MACROD2: variants seen among roughly 807,000 people sequenced by gnomAD.
MACROD2 encodes ADP-ribose glycohydrolase MACROD2.
A neutral mutation model predicts 70.4 loss-of-function variants in MACROD2; 36 were observed. The observed-to-expected ratio is 0.51, with a 90% CI of 0.39 to 0.68. The LOEUF (loss-of-function observed/expected upper bound fraction) is 0.68. Ranked by LOEUF, MACROD2 falls within the 30% of genes least tolerant of loss-of-function variation. The pLI, the probability that MACROD2 is intolerant of heterozygous loss-of-function variation, is 0.00. For missense variants in MACROD2, 496 were observed against 538.4 expected (o/e 0.92, Z 0.78); for synonymous variants, 172 against 178.8 (o/e 0.96, Z 0.30).
chr20:15,351,161 G>A (rs976256624), intron 6 of MACROD2, among the ~76,000 whole-genome samples: 5 of 152,094 alleles, frequency 3.3e-5, no homozygotes, highest in African/African-American at 9.7e-5. Context: ...TAATAAGTTA[G>A]GGTTAAGCAA....
intron 5 of MACROD2, among the ~76,000 whole-genome samples, chr20:14,795,149 C>T (rs1354901279): frequency 6.6e-6 from 1 of 151,982 alleles, no homozygotes; most frequent in Non-Finnish European, 1.5e-5. Flanking sequence ...CCGTGAAGGA[C>T]CTTGTAGGGC....
At chr20:15,324,640 A>G (rs1017739944) in intron 6 of MACROD2, among the ~76,000 whole-genome samples, 1 of 152,190 alleles carries the variant, frequency 6.6e-6, no homozygotes, top group Non-Finnish European at 1.5e-5. Flanking sequence ...GTGTCATCAC[A>G]TTAGCTGACC....
intron 3 of MACROD2, among the ~76,000 whole-genome samples, chr20:14,141,668 C>T (rs1357508678): frequency 1.4e-5 from 2 of 139,776 alleles, no homozygotes; most frequent in African/African-American, 5.3e-5. Context: ...TTGCTTGAAC[C>T]TGGGAGGCGG....
intron 3 of MACROD2, among the ~76,000 whole-genome samples, chr20:14,273,738 A>T (rs1218812684): frequency 3.3e-5 from 5 of 152,226 alleles, no homozygotes; most frequent in African/African-American, 4.8e-5. Context: ...CACAATTGAT[A>T]GACCGCTAGC....
intron 8 of MACROD2, among the ~76,000 whole-genome samples, chr20:15,683,771 G>A (rs150446605): frequency 2.0e-3 from 299 of 152,168 alleles, no homozygotes; most frequent in Non-Finnish European, 3.0e-3. Flanking sequence ...TAGAAATGGG[G>A]GTTTCACCAT....
chr20:15,035,506 G>C, intron 5 of MACROD2, among the ~76,000 whole-genome samples: 1 of 152,078 alleles, frequency 6.6e-6, no homozygotes, highest in South Asian at 2.1e-4. Context: ...TTTTCTTTAA[G>C]TGAAATTTGA....
chr20:14,861,393 CT>C (rs951239148), intron 5 of MACROD2, among the ~76,000 whole-genome samples: 3 of 151,876 alleles, frequency 2.0e-5, no homozygotes, highest in African/African-American at 7.3e-5. Flanking sequence ...GACGTAATGA[CT>C]TTTTTTTGTG....
intron 4 of MACROD2, among the ~76,000 whole-genome samples, chr20:14,627,445 C>T (rs2123466072): frequency 6.6e-6 from 1 of 152,238 alleles, no homozygotes; most frequent in South Asian, 2.1e-4. Flanking sequence ...CCATTAGGAT[C>T]AACTGAGGTC....
At chr20:14,673,757 A>G (rs994125584) in intron 4 of MACROD2, among the ~76,000 whole-genome samples, 3 of 141,606 alleles carry the variant, frequency 2.1e-5, no homozygotes, top group African/African-American at 3.2e-5. Flanking sequence ...CATCTTTACT[A>G]AAAAAACAAA....
chr20:14,894,406 T>C (rs532002814), intron 5 of MACROD2: 11 of 152,174 alleles, frequency 7.2e-5, no homozygotes, highest in Non-Finnish European at 1.5e-4. Context: ...AATGTTTTTA[T>C]ATTTTTAGTA....
intron 15 of MACROD2, among the ~76,000 whole-genome samples, chr20:16,012,023 A>G (rs1411682563): frequency 6.6e-6 from 1 of 152,198 alleles, no homozygotes; most frequent in Non-Finnish European, 1.5e-5. Context: ...CAGCACCATC[A>G]GCTACTTTCC....
rs1048459369 is a variant in MACROD2 at position 15,321,723 on chromosome 20, C to T, written c.540+91662C>T. ...TGAGAAAACATTATTTTTTGCCCTG[C>T]AAGAGAACAAGTGAATCCATTTGCA... On this transcript the variant is annotated intron_variant, in intron 6 of 17. Transcript: ENST00000684519. Among the ~76,000 whole-genome samples, 2 of 144,218 alleles carry T rather than the reference C, an allele frequency of 1.4e-5. 1 individual carries two copies. Among genetic ancestry groups the T allele is most frequent in the Non-Finnish European group, 3.1e-5 (2 of 63,714 alleles). 94.6% of individuals were successfully genotyped at this position (144,218 alleles called of 152,430 possible).
chr20:14,949,122 C>T lies in MACROD2; in HGVS notation c.418+264163C>T, dbSNP rs183792953. Among the ~76,000 whole-genome samples the T allele has an allele frequency of 7.2e-5, 11 of 152,242 alleles. No homozygotes were observed. The East Asian group carries it at 1.5e-3, about 21-fold the overall frequency. On this transcript the variant is annotated intron_variant, in intron 5 of 17. Transcript: ENST00000684519. ...TACAACCATCAGAATTATGCTTTAG[C>T]GATTTGGCTTTTCTCTGCCCCCAGC...
At chr20:14,970,950 C>G (rs1259996984) in intron 5 of MACROD2, among the ~76,000 whole-genome samples, 1 of 152,174 alleles carries the variant, frequency 6.6e-6, no homozygotes, top group Non-Finnish European at 1.5e-5. Context: ...CTGAATCACT[C>G]TTAGCTATGA....
chr20:15,514,968 C>G (rs1442979451), intron 8 of MACROD2, among the ~76,000 whole-genome samples: 1 of 152,202 alleles, frequency 6.6e-6, no homozygotes, highest in Non-Finnish European at 1.5e-5. Flanking sequence ...TAATTCAGAT[C>G]TCTTCTAGCA....
intron 8 of MACROD2, among the ~76,000 whole-genome samples, chr20:15,829,262 T>C (rs1457184297): frequency 6.6e-6 from 1 of 152,184 alleles, no homozygotes; most frequent in Non-Finnish European, 1.5e-5. Context: ...ACTCAGATTT[T>C]ACCATGTCCC....
chr20:15,574,915 T>C (rs1317636119), intron 8 of MACROD2, among the ~76,000 whole-genome samples: 1 of 152,234 alleles, frequency 6.6e-6, no homozygotes, highest in Non-Finnish European at 1.5e-5. Flanking sequence ...CTGTTATTTA[T>C]TTTATTACTG....
intron 9 of MACROD2, among the ~76,000 whole-genome samples, chr20:15,868,234 C>T (rs6135575): frequency 0.61 from 93,281 of 151,984 alleles, 30,827 homozygotes; most frequent in Non-Finnish European, 0.75. Flanking sequence ...GGAACATGTA[C>T]CCTCAGCCTG....
At position 14,609,765 on chromosome 20, in the gene MACROD2, A is replaced by T. The variant is rs550004587; in HGVS notation, c.302-75078A>T. On this transcript the variant is annotated intron_variant, in intron 4 of 17. Coordinates refer to ENST00000684519, the MANE Select transcript of MACROD2 (RefSeq NM_001351661.2). Reference sequence around the variant, plus strand: ...GAAACAGACATCCTCATCTTGCTTCATCTGCTGTGTAATCATTAACTCATG... The same window carrying T: ...GAAACAGACATCCTCATCTTGCTTCTTCTGCTGTGTAATCATTAACTCATG... Among the ~76,000 whole-genome samples the T allele has an allele frequency of 2.6e-5, 4 of 152,224 alleles. No individual in the cohort carries two copies. In the East Asian group the frequency reaches 7.7e-4, roughly 29 times the overall value.
Sources: allele counts gnomAD v4.1 joint callset (sites outside exome capture counted in the v4.1 genomes callset), GRCh38; gene constraint gnomAD v4.1.1; transcripts MANE v1.5; gene names NCBI Gene and HGNC (gene_info 2026-07-23, HGNC 2026-07-21).